FERMT2: variants seen among roughly 807,000 people sequenced by gnomAD.
FERMT2 encodes fermitin family homolog 2.
In FERMT2, 15 loss-of-function variants were observed where a neutral mutation model predicts 82.7. The ratio of observed to expected loss-of-function variants is 0.18; its 90% CI spans 0.12 to 0.28. The LOEUF is 0.28. FERMT2 is among the 10% of genes least tolerant of loss of function. FERMT2 has a pLI of 1.00. For missense variants in FERMT2, 645 were observed against 809.4 expected, an observed-to-expected ratio of 0.80 and a Z score of 2.46; for synonymous variants, 274 against 271.5, an observed-to-expected ratio of 1.01 and a Z score of -0.09.
chr14:52,881,993 C>T (rs1886327353), intron 4 of FERMT2, among the ~76,000 whole-genome samples: 1 of 152,110 alleles, frequency 6.6e-6, no homozygotes. Context: ...AGTAAAGAAC[C>T]TTAGAAGCTA....
chr14:52,929,996 T>G (rs1415905086), intron 2 of FERMT2, among the ~76,000 whole-genome samples: 1 of 152,198 alleles, frequency 6.6e-6, no homozygotes, highest in Non-Finnish European at 1.5e-5. Flanking sequence ...TAAAGATCTC[T>G]CATTACTCAA....
chr14:52,933,915 T>C lies in FERMT2; in HGVS notation c.158-14559A>G, dbSNP rs528075366. Among the ~76,000 whole-genome samples the C allele has an allele frequency of 2.6e-4, 39 of 152,190 alleles. 1 individual carries two copies. The South Asian group carries it at 8.1e-3, about 32-fold the overall frequency. Reference sequence around the variant, plus strand: ...AACAAGCTGGTGTTTCAGATCTCCTTGATAGGCACCTTTTCCTTTCCCCCT... The same window carrying C: ...AACAAGCTGGTGTTTCAGATCTCCTCGATAGGCACCTTTTCCTTTCCCCCT... On this transcript the variant is annotated intron_variant, in intron 2 of 14. Transcript: ENST00000341590.
intron 3 of FERMT2, among the ~76,000 whole-genome samples, chr14:52,897,236 ATTC>A (rs1466440128): frequency 6.6e-6 from 1 of 152,210 alleles, no homozygotes; most frequent in Non-Finnish European, 1.5e-5. Flanking sequence ...TAATTTAATC[ATTC>A]TTCTAATACT....
intron 3 of FERMT2, among the ~76,000 whole-genome samples, chr14:52,910,939 A>T (rs1230044975): frequency 1.3e-5 from 2 of 152,214 alleles, no homozygotes; most frequent in Non-Finnish European, 2.9e-5. Context: ...AATTAAGGGG[A>T]AATATTTAAT....
At chr14:52,950,777 G>C (rs1439954617) in intron 1 of FERMT2, 144 bp downstream of exon 1, 1 of 510,562 alleles carries the variant, frequency 2.0e-6, no homozygotes, top group Non-Finnish European at 3.4e-6. Context: ...CTCGGTCCCG[G>C]CGCCGCCCGC....
At chr14:52,919,005 C>G (rs1341072604) in intron 3 of FERMT2, 118 bp downstream of exon 3, 3 of 597,446 alleles carry the variant, frequency 5.0e-6, no homozygotes, top group Non-Finnish European at 8.6e-6. Context: ...ATTTCACACA[C>G]ATACATATAT....
At chr14:52,948,019 C>T (rs1890443385) in intron 2 of FERMT2, among the ~76,000 whole-genome samples, 1 of 152,212 alleles carries the variant, frequency 6.6e-6, no homozygotes, top group Non-Finnish European at 1.5e-5. Flanking sequence ...TAAGTGAATG[C>T]TCTGGTGTCT....
At chr14:52,887,503 A>T (rs1886682084) in intron 4 of FERMT2, among the ~76,000 whole-genome samples, 1 of 151,998 alleles carries the variant, frequency 6.6e-6, no homozygotes, top group East Asian at 1.9e-4. Context: ...AGAAAGAAAA[A>T]ATTTAGCAAA....
chr14:52,911,950 C>T (rs1021999451), intron 3 of FERMT2, among the ~76,000 whole-genome samples: 13 of 152,204 alleles, frequency 8.5e-5, no homozygotes, highest in African/African-American at 2.6e-4. Flanking sequence ...CTGGTTTCCT[C>T]CAAATGGAGA....
chr14:52,872,102 GC>G (rs1220506767), intron 10 of FERMT2: 17 of 152,540 alleles, frequency 1.1e-4, no homozygotes, highest in African/African-American at 4.1e-4. Flanking sequence ...GTGAGGAAGA[GC>G]AGGATGTCGA....
chr14:52,921,323 T>C (rs1888944235), intron 2 of FERMT2, among the ~76,000 whole-genome samples: 1 of 152,240 alleles, frequency 6.6e-6, no homozygotes, highest in Admixed American at 6.5e-5. Context: ...CAGCTACTTG[T>C]GATCGTATTA....
chr14:52,882,779 T>G (rs1202299418), intron 4 of FERMT2, among the ~76,000 whole-genome samples: 2 of 111,952 alleles, frequency 1.8e-5, no homozygotes, highest in African/African-American at 5.9e-5. Flanking sequence ...TGTCATGACC[T>G]AGTCTAGGAA....
At chr14:52,918,843 C>G (rs1400448733) in intron 3 of FERMT2, among the ~76,000 whole-genome samples, 1 of 152,168 alleles carries the variant, frequency 6.6e-6, no homozygotes, top group Non-Finnish European at 1.5e-5. Context: ...GTATGTTCCC[C>G]TGAAAATAGT....
intron 6 of FERMT2, among the ~76,000 whole-genome samples, chr14:52,879,647 T>TACA (rs757059152): frequency 2.0e-5 from 3 of 152,188 alleles, no homozygotes; most frequent in Non-Finnish European, 2.9e-5. Context: ...AATTTTATTA[T>TACA]AGAGATTTTA....
intron 3 of FERMT2, among the ~76,000 whole-genome samples, chr14:52,907,169 T>C (rs372755807): frequency 6.6e-6 from 1 of 152,276 alleles, no homozygotes; most frequent in African/African-American, 2.4e-5. Flanking sequence ...CATGCCACCA[T>C]GCCCAGCTAA....
chr14:52,917,740 A>G (rs1198921882), intron 3 of FERMT2, among the ~76,000 whole-genome samples: 1 of 152,190 alleles, frequency 6.6e-6, no homozygotes, highest in Non-Finnish European at 1.5e-5. Flanking sequence ...TCTTGAAGAC[A>G]GAAAAAAGTT....
chr14:52,909,712 C>T (rs573997036), intron 3 of FERMT2, among the ~76,000 whole-genome samples: 1 of 152,004 alleles, frequency 6.6e-6, no homozygotes, highest in Non-Finnish European at 1.5e-5. Flanking sequence ...TGCTTGAACC[C>T]GGGAGGTGGA....
intron 4 of FERMT2, among the ~76,000 whole-genome samples, chr14:52,889,689 C>T (rs868191139): frequency 1.3e-5 from 2 of 152,078 alleles, no homozygotes; most frequent in African/African-American, 4.8e-5. Flanking sequence ...CTTCTACACA[C>T]CTAGGCTATA....
intron 3 of FERMT2, among the ~76,000 whole-genome samples, chr14:52,897,056 A>G (rs1887323731): frequency 6.6e-6 from 1 of 150,670 alleles, no homozygotes; most frequent in Non-Finnish European, 1.5e-5. Flanking sequence ...ACACCATGGT[A>G]GAAATTTGGA....
Sources: allele counts gnomAD v4.1 joint callset (sites outside exome capture counted in the v4.1 genomes callset), GRCh38; gene constraint gnomAD v4.1.1; transcripts MANE v1.5; gene names NCBI Gene and HGNC (gene_info 2026-07-23, HGNC 2026-07-21).